SLCO1A2: variants seen among roughly 807,000 people sequenced by gnomAD.
The protein encoded by SLCO1A2 is solute carrier organic anion transporter family member 1A2.
Under a neutral mutation model 69.0 loss-of-function variants are expected in SLCO1A2, and 67 were observed. The observed-to-expected ratio is 0.97, with a 90% CI of 0.80 to 1.19. The LOEUF (loss-of-function observed/expected upper bound fraction) is 1.19, where lower values mean the gene tolerates loss of function less well. Ranked by LOEUF, SLCO1A2 falls within the 50% of genes most tolerant of loss-of-function variation. SLCO1A2 has a pLI of 0.00. For synonymous variants in SLCO1A2, 260 were observed against 265.9 expected (o/e 0.98, Z 0.22); for missense variants, 787 against 793.7 (o/e 0.99, Z 0.10).
intron 12 of SLCO1A2, among the ~76,000 whole-genome samples, chr12:21,281,942 G>T (rs1944875446): frequency 6.6e-6 from 1 of 151,876 alleles, no homozygotes; most frequent in Non-Finnish European, 1.5e-5. Flanking sequence ...CTGTAATAAA[G>T]TCTCCAGCAA....
At chr12:21,378,108 A>G in intron 1 of SLCO1A2, 1 of 821,148 alleles carries the variant, frequency 1.2e-6, no homozygotes, top group Non-Finnish European at 1.9e-6. Context: ...TTTGCAAACC[A>G]AAACACTGAG....
chr12:21,413,968 T>A (rs967247039), intron 1 of SLCO1A2, among the ~76,000 whole-genome samples: 3 of 152,158 alleles, frequency 2.0e-5, no homozygotes, highest in Non-Finnish European at 4.4e-5. Flanking sequence ...GCAAGCTTTT[T>A]GTTTGTTTGT....
chr12:21,277,861 C>T (rs1448156924), intron 12 of SLCO1A2, among the ~76,000 whole-genome samples: 2 of 152,148 alleles, frequency 1.3e-5, no homozygotes, highest in Non-Finnish European at 2.9e-5. Flanking sequence ...GGCCAGATTC[C>T]TACCAGGCCA....
chr12:21,271,423 A>G (rs1022683679), intron 14 of SLCO1A2, among the ~76,000 whole-genome samples: 5 of 151,376 alleles, frequency 3.3e-5, no homozygotes, highest in African/African-American at 1.2e-4. Flanking sequence ...TCCCTTTTGA[A>G]TTTTAAAAAT....
intron 1 of SLCO1A2, among the ~76,000 whole-genome samples, chr12:21,412,670 G>A (rs1941927277): frequency 6.6e-6 from 1 of 152,076 alleles, no homozygotes; most frequent in Non-Finnish European, 1.5e-5. Context: ...ATGCTCCACT[G>A]GAAACTAGCT....
intron 2 of SLCO1A2, among the ~76,000 whole-genome samples, chr12:21,353,056 G>A (rs1421094589): frequency 2.6e-5 from 4 of 152,038 alleles, no homozygotes; most frequent in Admixed American, 1.3e-4. Flanking sequence ...ATAATTATAA[G>A]GTCTGTTTAA....
chr12:21,387,675 T>A (rs1294436012), intron 1 of SLCO1A2, among the ~76,000 whole-genome samples: 1 of 152,190 alleles, frequency 6.6e-6, no homozygotes, highest in Non-Finnish European at 1.5e-5. Context: ...CATGGACCCC[T>A]GCTAGCGCAG....
At position 21,269,506 on chromosome 12, in the gene SLCO1A2, A is replaced by G; in HGVS notation, c.*42T>C. ...GATTTTTAAAACAATTAAGTTGTACAGCATGTTCTCTAATTCTGAAAAAAG... is the reference window on the plus strand; with the variant it reads ...GATTTTTAAAACAATTAAGTTGTACGGCATGTTCTCTAATTCTGAAAAAAG... On this transcript the variant is annotated 3_prime_UTR_variant, in exon 15 of 15. Transcript: ENST00000683939. 7.0e-7 allele frequency: 1 copy of G among 1,431,026 alleles called. No homozygotes were observed. The highest frequency in any genetic ancestry group is 9.8e-7 in the Non-Finnish European group (1 of 1,023,794). 88.6% of individuals were successfully genotyped at this position (1,431,026 alleles called of 1,614,324 possible).
chr12:21,316,872 C>A (rs1257416018), intron 3 of SLCO1A2, among the ~76,000 whole-genome samples: 5 of 152,126 alleles, frequency 3.3e-5, no homozygotes, highest in Non-Finnish European at 7.3e-5. Context: ...AACTTTGTCA[C>A]CAATTGTCAC....
At chr12:21,300,297 C>G in intron 8 of SLCO1A2, 51 bp downstream of exon 8, 1 of 1,297,056 alleles carries the variant, frequency 7.7e-7, no homozygotes, top group Non-Finnish European at 1.1e-6. Flanking sequence ...ACAGACATAT[C>G]TATATGAAAT....
intron 13 of SLCO1A2, 58 bp from the exon 14 acceptor site, chr12:21,274,644 TGGAA>T: frequency 8.9e-7 from 1 of 1,127,652 alleles, no homozygotes; most frequent in Non-Finnish European, 1.3e-6. Flanking sequence ...TTGATTTATT[TGGAA>T]ATATTTCAAT....
At chr12:21,361,980 C>G (rs1428659311) in intron 2 of SLCO1A2, among the ~76,000 whole-genome samples, 2 of 152,110 alleles carry the variant, frequency 1.3e-5, no homozygotes, top group African/African-American at 4.8e-5. Flanking sequence ...TTCAGGATAT[C>G]ATGCCGGAGA....
intron 1 of SLCO1A2, among the ~76,000 whole-genome samples, chr12:21,405,133 T>A (rs1460024196): frequency 6.6e-6 from 1 of 151,916 alleles, no homozygotes; most frequent in Non-Finnish European, 1.5e-5. Flanking sequence ...TAGACCTTTG[T>A]AAGATGCATA....
At chr12:21,277,321 GA>G (rs987503412) in intron 12 of SLCO1A2, among the ~76,000 whole-genome samples, 1 of 151,106 alleles carries the variant, frequency 6.6e-6, no homozygotes, top group Admixed American at 6.6e-5. Context: ...GTCTTGAAGA[GA>G]AGGACTCAGT....
At chr12:21,364,541 T>C (rs933167024) in intron 2 of SLCO1A2, among the ~76,000 whole-genome samples, 1 of 152,234 alleles carries the variant, frequency 6.6e-6, no homozygotes, top group African/African-American at 2.4e-5. Flanking sequence ...TTGGAAGTTC[T>C]GGCCAGGGCA....
intron 6 of SLCO1A2, among the ~76,000 whole-genome samples, chr12:21,303,930 A>G (rs1031964757): frequency 6.6e-6 from 1 of 152,194 alleles, no homozygotes; most frequent in African/African-American, 2.4e-5. Flanking sequence ...TGTCATAAAT[A>G]TAGTAGAGAA....
intron 2 of SLCO1A2, among the ~76,000 whole-genome samples, chr12:21,360,373 A>G (rs1938740937): frequency 6.6e-6 from 1 of 152,256 alleles, no homozygotes; most frequent in African/African-American, 2.4e-5. Context: ...TAAATGGGCC[A>G]ATAAGGATCA....
At chr12:21,411,834 C>A (rs1941911781) in intron 1 of SLCO1A2, among the ~76,000 whole-genome samples, 1 of 152,024 alleles carries the variant, frequency 6.6e-6, no homozygotes, top group Admixed American at 6.6e-5. Flanking sequence ...CAGGCACACT[C>A]CACCACGCCC....
intron 1 of SLCO1A2, among the ~76,000 whole-genome samples, chr12:21,391,407 A>G (rs573176610): frequency 1.2e-4 from 19 of 152,296 alleles, no homozygotes; most frequent in African/African-American, 4.3e-4. Flanking sequence ...AAATATATAT[A>G]TAAGCTGAAA....
Sources: allele counts gnomAD v4.1 joint callset (sites outside exome capture counted in the v4.1 genomes callset), GRCh38; gene constraint gnomAD v4.1.1; transcripts MANE v1.5; gene names NCBI Gene and HGNC (gene_info 2026-07-23, HGNC 2026-07-21).